Variants in CTNNA2 observed in about 807,000 individuals in gnomAD.
CTNNA2 encodes catenin alpha-2.
In CTNNA2, 42 loss-of-function variants were observed where a neutral mutation model predicts 101.0. The ratio of observed to expected loss-of-function variants is 0.42; its 90% CI spans 0.32 to 0.54. CTNNA2 has a LOEUF of 0.54. Ranked by LOEUF, CTNNA2 falls within the 20% of genes least tolerant of loss-of-function variation. CTNNA2 has a pLI of 0.14. For synonymous variants in CTNNA2, 450 were observed against 456.4 expected (o/e 0.99, Z 0.18); for missense variants, 871 against 1,223.1 (o/e 0.71, Z 4.29).
At chr2:79,448,002 A>G (rs999886256) in intron 4 of CTNNA2, among the ~76,000 whole-genome samples, 1 of 152,114 alleles carries the variant, frequency 6.6e-6, no homozygotes, top group Non-Finnish European at 1.5e-5. Flanking sequence ...AGGAAGAGGA[A>G]ATATTATCCA....
chr2:79,312,066 C>T (rs1231908970), intron 2 of CTNNA2, among the ~76,000 whole-genome samples: 1 of 149,678 alleles, frequency 6.7e-6, no homozygotes, highest in Admixed American at 6.7e-5. Flanking sequence ...CCATGCATGG[C>T]TGTTTAAAAA....
At chr2:79,906,350 C>T (rs1396741697) in intron 6 of CTNNA2, among the ~76,000 whole-genome samples, 2 of 152,094 alleles carry the variant, frequency 1.3e-5, no homozygotes, top group Non-Finnish European at 2.9e-5. Flanking sequence ...TCTTCCCGTG[C>T]ACATGTGCAT....
At chr2:80,293,862 G>A (rs988464362) in intron 7 of CTNNA2, among the ~76,000 whole-genome samples, 4 of 152,250 alleles carry the variant, frequency 2.6e-5, no homozygotes, top group African/African-American at 4.8e-5. Context: ...CTTGGGTGTC[G>A]TGGAGTCTCC....
intron 3 of CTNNA2, among the ~76,000 whole-genome samples, chr2:79,747,034 G>T (rs966227104): frequency 6.6e-6 from 1 of 152,116 alleles, no homozygotes; most frequent in African/African-American, 2.4e-5. Flanking sequence ...TGGATATTTA[G>T]TACCTGGAAA....
chr2:80,150,517 T>C (rs1703631839), intron 7 of CTNNA2, among the ~76,000 whole-genome samples: 1 of 152,130 alleles, frequency 6.6e-6, no homozygotes, highest in Non-Finnish European at 1.5e-5. Context: ...ACCAAGGAAT[T>C]TGCATTCTTT....
intron 7 of CTNNA2, among the ~76,000 whole-genome samples, chr2:80,265,280 G>A (rs565962683): frequency 6.6e-6 from 1 of 152,270 alleles, no homozygotes; most frequent in South Asian, 2.1e-4. Context: ...CGGCCAGGAA[G>A]AGTTCTAGGC....
chr2:80,593,069 A>G (rs940143064), intron 15 of CTNNA2, among the ~76,000 whole-genome samples: 3 of 152,174 alleles, frequency 2.0e-5, no homozygotes, highest in Non-Finnish European at 4.4e-5. Flanking sequence ...TAATTATATG[A>G]CTTGATGCTC....
chr2:79,409,223 C>T (rs532051591), intron 4 of CTNNA2, among the ~76,000 whole-genome samples: 2,557 of 152,178 alleles, frequency 0.017, 91 homozygotes, highest in African/African-American at 0.058. Context: ...GAGTAGATTG[C>T]GAAAATTTTC....
intron 7 of CTNNA2, among the ~76,000 whole-genome samples, chr2:80,032,851 A>G (rs571043340): frequency 2.0e-5 from 3 of 152,226 alleles, no homozygotes; most frequent in Non-Finnish European, 2.9e-5. Context: ...ACATACCACC[A>G]TGTGCTTGGA....
At chr2:80,109,315 G>T (rs1293590250) in intron 7 of CTNNA2, among the ~76,000 whole-genome samples, 1 of 152,038 alleles carries the variant, frequency 6.6e-6, no homozygotes, top group African/African-American at 2.4e-5. Flanking sequence ...AAAAACATTA[G>T]CCAGGCATGG....
chr2:80,252,026 A>G (rs1671806485), intron 7 of CTNNA2, among the ~76,000 whole-genome samples: 1 of 152,184 alleles, frequency 6.6e-6, no homozygotes, highest in African/African-American at 2.4e-5. Context: ...TTGTTTGTAT[A>G]ATAAACTTTT....
intron 3 of CTNNA2, among the ~76,000 whole-genome samples, chr2:79,354,556 A>G (rs560069059): frequency 2.0e-5 from 3 of 152,072 alleles, no homozygotes; most frequent in African/African-American, 4.8e-5. Context: ...TAAAATAGCT[A>G]TTTTGTCTTT....
chr2:80,470,654 G>A (rs75311704), intron 9 of CTNNA2, among the ~76,000 whole-genome samples: 2,631 of 152,174 alleles, frequency 0.017, 71 homozygotes, highest in African/African-American at 0.054. Flanking sequence ...CCTACTGTGC[G>A]CTAGGCTGTG....
chr2:79,595,959 C>T (rs889063939), intron 1 of CTNNA2, among the ~76,000 whole-genome samples: 3 of 150,266 alleles, frequency 2.0e-5, no homozygotes, highest in Admixed American at 6.7e-5. Context: ...AGATCCATTC[C>T]GCCATGTGAT....
chr2:80,002,479 A>G (rs540929457), intron 7 of CTNNA2, among the ~76,000 whole-genome samples: 56 of 152,312 alleles, frequency 3.7e-4, no homozygotes, highest in African/African-American at 1.3e-3. Flanking sequence ...TAGATCAAAT[A>G]TGTACATTAT....
intron 15 of CTNNA2, among the ~76,000 whole-genome samples, chr2:80,599,103 C>G (rs1182633120): frequency 6.6e-6 from 1 of 152,094 alleles, no homozygotes; most frequent in Non-Finnish European, 1.5e-5. Flanking sequence ...TAGGACATTT[C>G]TATACATATC....
At chr2:80,423,483 G>C (rs1296791346) in intron 9 of CTNNA2, among the ~76,000 whole-genome samples, 1 of 151,858 alleles carries the variant, frequency 6.6e-6, no homozygotes, top group Non-Finnish European at 1.5e-5. Context: ...CAATTCTCTA[G>C]TAAAATTTAT....
At chr2:80,357,580 A>T (rs1286617653) in intron 7 of CTNNA2, among the ~76,000 whole-genome samples, 3 of 152,078 alleles carry the variant, frequency 2.0e-5, no homozygotes, top group Non-Finnish European at 4.4e-5. Context: ...TCCAAGTGGG[A>T]CCAATGATGT....
At chr2:79,966,038 G>A (rs1690034191) in intron 7 of CTNNA2, among the ~76,000 whole-genome samples, 1 of 151,852 alleles carries the variant, frequency 6.6e-6, no homozygotes, top group Admixed American at 6.6e-5. Context: ...ACTATTTGCT[G>A]TCCTTCATAT....
Sources: gnomAD v4.1 joint callset for allele counts (sites outside exome capture counted in the v4.1 genomes callset) on GRCh38, gnomAD v4.1.1 for gene constraint, MANE v1.5 for transcripts, NCBI Gene and HGNC (gene_info 2026-07-23, HGNC 2026-07-21) for gene names.